Variants in NAV3 observed in about 807,000 individuals in gnomAD.
NAV3 encodes the protein pore membrane and/or filament interacting like protein 1.
Under a neutral mutation model 244.7 loss-of-function variants are expected in NAV3, and 87 were observed. The observed-to-expected ratio is 0.36, with a 90% CI of 0.30 to 0.42. The LOEUF is 0.42. Ranked by LOEUF, NAV3 falls within the 20% of genes least tolerant of loss-of-function variation. The pLI is 1.00. For synonymous variants in NAV3, 1,126 were observed against 1,042.2 expected (o/e 1.08, Z -1.55); for missense variants, 2,663 against 2,893.3 (o/e 0.92, Z 1.83).
chr12:78,099,281 A>C (rs1020207081), intron 12 of NAV3, among the ~76,000 whole-genome samples: 7 of 151,640 alleles, frequency 4.6e-5, no homozygotes, highest in African/African-American at 1.7e-4. Context: ...TTAGAAAATA[A>C]TTTAAGAGCA....
At chr12:78,185,844 A>G (rs1652193370) in intron 31 of NAV3, 146 bp downstream of exon 31, 4 of 638,598 alleles carry the variant, frequency 6.3e-6, no homozygotes, top group Non-Finnish European at 7.9e-6. Context: ...AAACATGAAA[A>G]GGACAATAAA....
chr12:78,073,574 G>A, intron 12 of NAV3, among the ~76,000 whole-genome samples: 1 of 152,006 alleles, frequency 6.6e-6, no homozygotes, highest in Non-Finnish European at 1.5e-5. Flanking sequence ...CCATGCTCAT[G>A]GGTAGGAAGA....
intron 2 of NAV3, among the ~76,000 whole-genome samples, chr12:77,795,596 T>C (rs1226622905): frequency 6.6e-6 from 1 of 152,074 alleles, no homozygotes; most frequent in East Asian, 1.9e-4. Context: ...TTATACTGCA[T>C]ATAAGTACAT....
At chr12:77,671,803 T>C (rs1321260853) in intron 2 of NAV3, among the ~76,000 whole-genome samples, 3 of 152,074 alleles carry the variant, frequency 2.0e-5, no homozygotes, top group African/African-American at 7.2e-5. Context: ...ATCATAAAAA[T>C]TCTGGAAGAT....
rs567705742 is a variant in NAV3, at chr12:77,597,499, A to C, written c.72+25233A>C. Among the ~76,000 whole-genome samples the C allele has an allele frequency of 2.0e-5, 3 of 152,254 alleles. No individual in the cohort carries two copies. In the South Asian group the frequency reaches 6.2e-4, roughly 32 times the overall value. ...AATATCACTATTTTATCAATTGAATAAGATTTTTGCTAGCATATTAAGTAT... is the reference window on the plus strand; with the variant it reads ...AATATCACTATTTTATCAATTGAATCAGATTTTTGCTAGCATATTAAGTAT... On this transcript the variant is annotated intron_variant, in intron 2 of 8. Transcript: ENST00000550042.
chr12:78,073,407 A>C (rs1312635821), intron 12 of NAV3, among the ~76,000 whole-genome samples: 2 of 151,378 alleles, frequency 1.3e-5, no homozygotes, highest in Non-Finnish European at 2.9e-5. Flanking sequence ...ACAAACAGAG[A>C]GCCAAATCAT....
intron 2 of NAV3, among the ~76,000 whole-genome samples, chr12:77,591,404 G>T (rs1314728492): frequency 6.6e-6 from 1 of 152,164 alleles, no homozygotes; most frequent in African/African-American, 2.4e-5. Context: ...AGAAATATTT[G>T]TGATGTTCGT....
At chr12:77,682,509 G>A (rs894153518) in intron 2 of NAV3, among the ~76,000 whole-genome samples, 1 of 152,014 alleles carries the variant, frequency 6.6e-6, no homozygotes, top group Non-Finnish European at 1.5e-5. Context: ...TTTCCTTTGG[G>A]TATATATCCA....
Position 78,121,925 on chromosome 12 carries a change from T to C in NAV3, c.3750-15T>C, listed in dbSNP as rs776647935. Reference sequence around the variant, plus strand: ...TTCTTGGAACAACTGAAGTTGTTATTTGTTTTTCTTTTAGGTTGTTTGGTG... The same window carrying C: ...TTCTTGGAACAACTGAAGTTGTTATCTGTTTTTCTTTTAGGTTGTTTGGTG... On this transcript the variant is annotated splice_polypyrimidine_tract_variant and intron_variant, in intron 15 of 39. Transcript: ENST00000397909. The C allele has an allele frequency of 1.9e-6, 3 of 1,610,848 alleles. No individual in the cohort carries two copies. The African/African-American group carries it at 4.0e-5, about 22-fold the overall frequency.
At chr12:77,696,274 G>T (rs1875294081) in intron 2 of NAV3, among the ~76,000 whole-genome samples, 1 of 152,118 alleles carries the variant, frequency 6.6e-6, no homozygotes, top group South Asian at 2.1e-4. Context: ...CTATGATTAG[G>T]TTACATAAGA....
At chr12:77,847,116 C>G (rs1876766571) in intron 1 of NAV3, among the ~76,000 whole-genome samples, 1 of 152,094 alleles carries the variant, frequency 6.6e-6, no homozygotes, top group Non-Finnish European at 1.5e-5. Flanking sequence ...TATGCTTCTC[C>G]TCTGTAAGAC....
intron 1 of NAV3, among the ~76,000 whole-genome samples, chr12:77,848,105 A>G (rs557202033): frequency 3.3e-5 from 5 of 152,302 alleles, no homozygotes; most frequent in African/African-American, 9.6e-5. Flanking sequence ...GAATAGTCAG[A>G]ATATAAAAGA....
intron 1 of NAV3, among the ~76,000 whole-genome samples, chr12:77,902,844 C>A (rs1377621186): frequency 3.3e-5 from 5 of 152,062 alleles, no homozygotes; most frequent in East Asian, 3.9e-4. Context: ...TCTTATACAC[C>A]AATAGCAGAC....
chr12:77,667,654 TA>T (rs1388639042), intron 2 of NAV3, among the ~76,000 whole-genome samples: 1 of 152,080 alleles, frequency 6.6e-6, no homozygotes, highest in African/African-American at 2.4e-5. Flanking sequence ...CCCAACCTGG[TA>T]GTCTTTCTCT....
intron 12 of NAV3, among the ~76,000 whole-genome samples, chr12:78,092,920 T>C (rs529333418): frequency 1.2e-3 from 3 of 2,468 alleles, no homozygotes; most frequent in South Asian, 0.17. Context: ...CACAGAACAA[T>C]GTATGTAACT....
chr12:77,696,208 T>G (rs1875289476), intron 2 of NAV3, among the ~76,000 whole-genome samples: 1 of 152,156 alleles, frequency 6.6e-6, no homozygotes, highest in Admixed American at 6.5e-5. Flanking sequence ...GTGTATGCTG[T>G]CCTAGTGATT....
At chr12:77,909,986 G>T (rs1008059294) in intron 1 of NAV3, among the ~76,000 whole-genome samples, 2 of 151,940 alleles carry the variant, frequency 1.3e-5, no homozygotes, top group African/African-American at 4.8e-5. Context: ...TCTTTACAAT[G>T]TTCCTAATAT....
intron 9 of NAV3, among the ~76,000 whole-genome samples, chr12:78,028,609 G>C (rs1878463790): frequency 6.6e-6 from 1 of 152,090 alleles, no homozygotes; most frequent in Admixed American, 6.6e-5. Context: ...ATAACCAAAA[G>C]CTTGCATCCC....
At chr12:77,758,720 A>G (rs1869316424) in intron 2 of NAV3, among the ~76,000 whole-genome samples, 1 of 152,210 alleles carries the variant, frequency 6.6e-6, no homozygotes, top group African/African-American at 2.4e-5. Context: ...TTTAAAATAT[A>G]AAATACACTT....
Sources: gnomAD v4.1 joint callset for allele counts (sites outside exome capture counted in the v4.1 genomes callset) on GRCh38, gnomAD v4.1.1 for gene constraint, MANE v1.5 for transcripts, NCBI Gene and HGNC (gene_info 2026-07-23, HGNC 2026-07-21) for gene names.